IL1RAPL1: variants seen among roughly 807,000 people sequenced by gnomAD.
The protein encoded by IL1RAPL1 is interleukin-1 receptor accessory protein-like 1.
Under a neutral mutation model 48.4 loss-of-function variants are expected in IL1RAPL1, and 3 were observed. The ratio of observed to expected loss-of-function variants is 0.06; its 90% CI spans 0.03 to 0.16. The LOEUF is 0.16. Ranked by LOEUF, IL1RAPL1 falls within the 10% of genes least tolerant of loss-of-function variation. The pLI is 1.00. For synonymous variants in IL1RAPL1, 185 were observed against 187.7 expected (o/e 0.99, Z 0.12); for missense variants, 349 against 530.6 (o/e 0.66, Z 3.36).
At chrX:29,264,969 G>A (rs1251941483) in intron 2 of IL1RAPL1, among the ~76,000 whole-genome samples, 2 of 111,580 alleles carry the variant, frequency 1.8e-5, no homozygotes, top group East Asian at 5.6e-4. Context: ...CTGGAGTGCA[G>A]TGGCGCTATC....
chrX:29,782,936 A>G (rs369508038), intron 6 of IL1RAPL1, among the ~76,000 whole-genome samples: 13 of 71,651 alleles, frequency 1.8e-4, no homozygotes, highest in East Asian at 9.1e-4. Flanking sequence ...ACGGAGTCTC[A>G]CTCTGTCGCC....
At chrX:29,170,994 A>ATTTTG (rs1929896496) in intron 2 of IL1RAPL1, among the ~76,000 whole-genome samples, 1 of 109,963 alleles carries the variant, frequency 9.1e-6, no homozygotes, top group African/African-American at 3.3e-5. Context: ...GTGTTGTGGG[A>ATTTTG]TTTTGTTTTG....
At chrX:29,224,369 T>C (rs1391277372) in intron 2 of IL1RAPL1, among the ~76,000 whole-genome samples, 2 of 110,994 alleles carry the variant, frequency 1.8e-5, no homozygotes, top group Non-Finnish European at 3.8e-5. Flanking sequence ...ACTGGCTATG[T>C]GATGGAAAAG....
At chrX:29,412,288 A>T (rs1455558282) in intron 5 of IL1RAPL1, among the ~76,000 whole-genome samples, 2 of 97,391 alleles carry the variant, frequency 2.1e-5, no homozygotes, top group Non-Finnish European at 4.3e-5. Flanking sequence ...GAAAAAAAAA[A>T]TTCTTGTTTT....
At chrX:29,582,276 G>A (rs1234050281) in intron 5 of IL1RAPL1, among the ~76,000 whole-genome samples, 1 of 110,954 alleles carries the variant, frequency 9.0e-6, no homozygotes, top group Non-Finnish European at 1.9e-5. Context: ...TGGAAACTAT[G>A]TAATTAATCA....
chrX:29,547,541 C>T (rs1460450379), intron 5 of IL1RAPL1, among the ~76,000 whole-genome samples: 4 of 111,581 alleles, frequency 3.6e-5, no homozygotes, highest in Non-Finnish European at 7.5e-5. Flanking sequence ...CACTTAAGCT[C>T]TTGGGAAATA....
Position 29,268,864 on chromosome X carries a change from CAGACTAA to C in IL1RAPL1, c.83-14072_83-14066del, listed in dbSNP as rs200601788. ...TGAATGCTTCTGTCCAGAAGTGACACAGACTAAATGCTGTAAAATCATTCATCCTCTA... is the reference window on the plus strand; with the variant it reads ...TGAATGCTTCTGTCCAGAAGTGACACATGCTGTAAAATCATTCATCCTCTA... On this transcript the variant is annotated intron_variant, in intron 2 of 10. Transcript: ENST00000378993. Among the ~76,000 whole-genome samples the C allele has an allele frequency of 6.3e-3, 703 of 112,020 alleles. 26 individuals carry two copies. Among genetic ancestry groups the C allele is most frequent in the Admixed American group, 0.059 (628 of 10,556 alleles).
chrX:29,255,925 G>A (rs181192601), intron 2 of IL1RAPL1, among the ~76,000 whole-genome samples: 201 of 111,545 alleles, frequency 1.8e-3, no homozygotes, highest in Middle Eastern at 9.2e-3. Flanking sequence ...ACATATGAGT[G>A]CAGGTGTATT....
intron 6 of IL1RAPL1, among the ~76,000 whole-genome samples, chrX:29,784,090 C>G (rs975047257): frequency 8.9e-6 from 1 of 112,007 alleles, no homozygotes; most frequent in African/African-American, 3.2e-5. Context: ...AATTATATAC[C>G]TCACATGTGC....
At chrX:29,584,778 T>A (rs188001894) in intron 5 of IL1RAPL1, among the ~76,000 whole-genome samples, 1,125 of 111,674 alleles carry the variant, frequency 0.01, 4 homozygotes, top group Non-Finnish European at 0.016. Context: ...TAGTCTTGGC[T>A]CCTGGACTCA....
chrX:29,242,159 T>C (rs1442443390), intron 2 of IL1RAPL1, among the ~76,000 whole-genome samples: 1 of 112,753 alleles, frequency 8.9e-6, no homozygotes, highest in Non-Finnish European at 1.9e-5. Context: ...TTTTTTCTGT[T>C]AACTGTTGAC....
intron 2 of IL1RAPL1, among the ~76,000 whole-genome samples, chrX:29,149,792 TGGA>T (rs1929424215): frequency 8.9e-6 from 1 of 111,828 alleles, no homozygotes; most frequent in African/African-American, 3.2e-5. Flanking sequence ...GATGAAGATG[TGGA>T]GGCTGAAATT....
intron 2 of IL1RAPL1, among the ~76,000 whole-genome samples, chrX:29,255,908 G>T (rs929097604): frequency 3.6e-5 from 4 of 111,603 alleles, no homozygotes; most frequent in Non-Finnish European, 7.5e-5. Flanking sequence ...GAACAGTGCT[G>T]CAATAAACAT....
At chrX:29,405,701 T>A (rs926060647) in intron 5 of IL1RAPL1, among the ~76,000 whole-genome samples, 1 of 110,293 alleles carries the variant, frequency 9.1e-6, no homozygotes, top group Non-Finnish European at 1.9e-5. Context: ...GTTTTTTTTT[T>A]CTCTGTAGAT....
intron 2 of IL1RAPL1, among the ~76,000 whole-genome samples, chrX:29,096,731 A>G (rs187027988): frequency 1.4e-4 from 15 of 110,755 alleles, no homozygotes; most frequent in Admixed American, 7.7e-4. Context: ...TAATATATGT[A>G]TGAAGAAAGT....
chrX:29,642,399 T>G (rs1303829394), intron 5 of IL1RAPL1, among the ~76,000 whole-genome samples: 1 of 112,561 alleles, frequency 8.9e-6, no homozygotes, highest in Non-Finnish European at 1.9e-5. Flanking sequence ...TCAATATTAG[T>G]GTTTGTCATA....
intron 2 of IL1RAPL1, among the ~76,000 whole-genome samples, chrX:29,151,679 C>T (rs1316513814): frequency 2.7e-5 from 3 of 111,776 alleles, no homozygotes; most frequent in African/African-American, 9.7e-5. Context: ...TGGAGTTATT[C>T]TAACTGAGGA....
At chrX:28,608,445 T>C (rs895615210) in intron 1 of IL1RAPL1, among the ~76,000 whole-genome samples, 1 of 112,268 alleles carries the variant, frequency 8.9e-6, no homozygotes, top group African/African-American at 3.2e-5. Flanking sequence ...TCACTTAATG[T>C]GATATTTGGA....
chrX:28,691,688 T>C (rs750673535), intron 1 of IL1RAPL1, among the ~76,000 whole-genome samples: 6 of 111,757 alleles, frequency 5.4e-5, no homozygotes, highest in African/African-American at 1.9e-4. Context: ...ATCCTGTCTT[T>C]CTCTCTTTCT....
Sources: gnomAD v4.1 joint callset for allele counts (sites outside exome capture counted in the v4.1 genomes callset) on GRCh38, gnomAD v4.1.1 for gene constraint, MANE v1.5 for transcripts, NCBI Gene and HGNC (gene_info 2026-07-23, HGNC 2026-07-21) for gene names.